Variants in PAXBP1 observed in about 807,000 individuals in gnomAD.
PAXBP1 encodes PAX3 and PAX7 binding protein 1.
A neutral mutation model predicts 119.9 loss-of-function variants in PAXBP1; 44 were observed. The ratio of observed to expected loss-of-function variants is 0.37; its 90% confidence interval spans 0.29 to 0.47. The LOEUF (loss-of-function observed/expected upper bound fraction) is 0.47, where lower values mean the gene tolerates loss of function less well. PAXBP1 is among the 20% of genes least tolerant of loss of function. The pLI is 0.99. For missense variants in PAXBP1, 898 were observed against 1,134.1 expected (o/e 0.79, Z 2.99); for synonymous variants, 393 against 406.6 (o/e 0.97, Z 0.40).
At chr21:32,750,066 C>T (rs1196724705) in intron 10 of PAXBP1, among the ~76,000 whole-genome samples, 1 of 151,960 alleles carries the variant, frequency 6.6e-6, no homozygotes. Context: ...AATCTGTTTT[C>T]TTATTGTGCT....
intron 7 of PAXBP1, 143 bp from the exon 8 acceptor site, chr21:32,755,496 A>G: frequency 9.5e-7 from 1 of 1,050,588 alleles, no homozygotes; most frequent in Non-Finnish European, 1.3e-6. Context: ...CACAAGTAGC[A>G]AATTCTGTTT....
chr21:32,766,512 C>G (rs2044243703), intron 2 of PAXBP1, among the ~76,000 whole-genome samples: 1 of 152,178 alleles, frequency 6.6e-6, no homozygotes, highest in Non-Finnish European at 1.5e-5. Flanking sequence ...CAAAGAGGGA[C>G]AGGCTTCTCT....
At chr21:32,767,216 C>A (rs1413766974) in intron 2 of PAXBP1, among the ~76,000 whole-genome samples, 1 of 152,114 alleles carries the variant, frequency 6.6e-6, no homozygotes, top group African/African-American at 2.4e-5. Flanking sequence ...AAGTCAATAC[C>A]GTGGTTATTT....
chr21:32,739,163 C>T (rs2043736326), intron 15 of PAXBP1, among the ~76,000 whole-genome samples: 1 of 152,158 alleles, frequency 6.6e-6, no homozygotes, highest in Admixed American at 6.5e-5. Context: ...CTCAGTTCTC[C>T]CAAGAATGAT....
At chr21:32,762,891 A>ACAAGAG (rs1253617393) in intron 3 of PAXBP1, among the ~76,000 whole-genome samples, 1 of 150,500 alleles carries the variant, frequency 6.6e-6, no homozygotes, top group Non-Finnish European at 1.5e-5. Context: ...AGCCTGGGCA[A>ACAAGAG]CAAGAGCACA....
chr21:32,746,632 G>T (rs1297466095), intron 11 of PAXBP1, among the ~76,000 whole-genome samples: 2 of 152,146 alleles, frequency 1.3e-5, no homozygotes, highest in African/African-American at 4.8e-5. Flanking sequence ...AGAGAAAAAG[G>T]AACACTTTTA....
chr21:32,770,044 T>C, intron 1 of PAXBP1, 102 bp from the exon 2 acceptor site: 2 of 798,814 alleles, frequency 2.5e-6, no homozygotes, highest in East Asian at 5.9e-5. Flanking sequence ...CCCAAATATA[T>C]ATACTCATAT....
Position 32,734,420 on chromosome 21 carries a change from C to T in PAXBP1, c.*530G>A, listed in dbSNP as rs1010230600. 6.5e-6 allele frequency: 1 copy of T among 153,934 alleles called. No homozygotes were observed. The highest frequency in any genetic ancestry group is 2.4e-5 in the African/African-American group (1 of 41,458). The allele number at this position is 153,934 out of a possible 1,614,324, so 9.5% of individuals were successfully genotyped here. A position where few individuals can be genotyped will look rare whatever the true frequency, so the allele number is the denominator to read the frequency against. On this transcript the variant is annotated 3_prime_UTR_variant, in exon 18 of 18. Transcript: ENST00000331923. The stretch of plus-strand genomic sequence containing the variant: ...ATGACTAAGTCCACAACTCAACTCT[C>T]AATGTTAAGGCAGCACAGCTACAGT...
At chr21:32,738,419 G>A (rs1172225301) in intron 15 of PAXBP1, 100 bp from the exon 16 acceptor site, 2 of 951,378 alleles carry the variant, frequency 2.1e-6, no homozygotes, top group Non-Finnish European at 3.1e-6. Context: ...AGCAGACCAT[G>A]TCTTGCCAAA....
intron 10 of PAXBP1, among the ~76,000 whole-genome samples, 163 bp downstream of exon 10, chr21:32,750,754 C>T (rs1170572853): frequency 1.3e-5 from 2 of 152,108 alleles, no homozygotes; most frequent in Non-Finnish European, 2.9e-5. Context: ...GAGAATTCAT[C>T]ATGATATTCA....
At chr21:32,765,371 T>C (rs1163203446) in intron 2 of PAXBP1, among the ~76,000 whole-genome samples, 6 of 152,204 alleles carry the variant, frequency 3.9e-5, no homozygotes, top group Admixed American at 3.9e-4. Flanking sequence ...AATGATAAAC[T>C]GTCCTGGTTT....
rs947590297 is a variant in PAXBP1, at chr21:32,737,479, G to A, written c.2482-71C>T. 6 of 1,303,630 alleles carry A rather than the reference G, an allele frequency of 4.6e-6. No individual in the cohort carries two copies. The South Asian group carries it at 8.2e-5, about 18-fold the overall frequency. 80.8% of individuals were successfully genotyped at this position (1,303,630 alleles called of 1,614,324 possible). A position where few individuals can be genotyped will look rare whatever the true frequency, so the allele number is the denominator to read the frequency against. On this transcript the variant is annotated intron_variant, in intron 16 of 17. Coordinates refer to ENST00000331923, the MANE Select transcript of PAXBP1 (RefSeq NM_016631.4). ...ATTAAAGTATTAAAAGCAAAGTCTA[G>A]TTAATGGGTATAAATGTATTTCACC...
In PAXBP1 at chr21:32,735,060, T is replaced by C; in HGVS notation, c.2644A>G (p.Ile882Val). 5 of 1,611,106 alleles carry C rather than the reference T, an allele frequency of 3.1e-6. No homozygotes were observed. Among genetic ancestry groups the C allele is most frequent in the Admixed American group, 1.7e-5 (1 of 59,740 alleles). ...DVEKRNAREN[I>V]KQIVKLLASV... ...GCAAGGAGTTTTACTATCTGTTTTATGTTTTCCCTAAAAGAAAAAAATATA... is the reference window on the plus strand; with the variant it reads ...GCAAGGAGTTTTACTATCTGTTTTACGTTTTCCCTAAAAGAAAAAAATATA... The change falls in exon 18 of 18, where the codon ATA becomes GTA. Residue 882 changes from isoleucine (I) to valine (V), a missense_variant. Transcript: ENST00000331923.
intron 15 of PAXBP1, 24 bp from the exon 16 acceptor site, chr21:32,738,343 T>C: frequency 1.3e-6 from 2 of 1,559,734 alleles, no homozygotes; most frequent in Non-Finnish European, 1.7e-6. Flanking sequence ...AAAAAATAGG[T>C]AATGTGAAAC....
chr21:32,758,734 A>C (rs2044085370), intron 7 of PAXBP1, among the ~76,000 whole-genome samples: 1 of 152,080 alleles, frequency 6.6e-6, no homozygotes, highest in Non-Finnish European at 1.5e-5. Context: ...AAATAAGTTT[A>C]AACCTGAACC....
In PAXBP1 at chr21:32,761,161, T is replaced by C. The variant is rs1419860187; in HGVS notation, c.873A>G (p.Gly291=). 6.2e-7 allele frequency: 1 copy of C among 1,612,758 alleles called. No homozygotes were observed. The highest frequency in any genetic ancestry group is 2.2e-5 in the East Asian group (1 of 44,840). Residue 291 remains glycine (G), a splice_region_variant and synonymous_variant, in exon 5 of 18, where the codon GGA becomes GGG. Coordinates refer to ENST00000331923, the MANE Select transcript of PAXBP1 (RefSeq NM_016631.4). ...SQRQKIAEEI[G]IEGSDDDALV... ...AAGCATCATCATCACTCCCCTCAATTCCTACAGCCATGAGCAACAAAGAAA... is the reference window on the plus strand; with the variant it reads ...AAGCATCATCATCACTCCCCTCAATCCCTACAGCCATGAGCAACAAAGAAA...
chr21:32,750,886 G>C (rs776179074), intron 10 of PAXBP1, 31 bp downstream of exon 10: 67 of 1,510,404 alleles, frequency 4.4e-5, no homozygotes, highest in Admixed American at 1.8e-4. Flanking sequence ...CTAAACTGAT[G>C]ATGAGTCTTA....
intron 2 of PAXBP1, among the ~76,000 whole-genome samples, chr21:32,768,715 C>T (rs1156962453): frequency 6.6e-6 from 1 of 152,238 alleles, no homozygotes; most frequent in Non-Finnish European, 1.5e-5. Flanking sequence ...TATCATGTCA[C>T]CATCTTGGCA....
At chr21:32,751,881 G>C (rs1407604774) in intron 8 of PAXBP1, 1 of 152,078 alleles carries the variant, frequency 6.6e-6, no homozygotes, top group Non-Finnish European at 1.5e-5. Context: ...CCTAGCTTTA[G>C]CTTCCAATCC....
Sources: gnomAD v4.1 joint callset for allele counts (sites outside exome capture counted in the v4.1 genomes callset) on GRCh38, gnomAD v4.1.1 for gene constraint, MANE v1.5 for transcripts, NCBI Gene and HGNC (gene_info 2026-07-23, HGNC 2026-07-21) for gene names.